Variants in SPATA31F1 observed in about 807,000 individuals in gnomAD.
SPATA31F1 encodes the protein SPATA31 subfamily F member 1, also known as protein SPATA31F1.
the SPATA31F1 span, chr9:34,724,529 C>T: frequency 4.5e-6 from 7 of 1,550,806 alleles, no homozygotes; most frequent in Non-Finnish European, 6.1e-6. Context: ...GGGAATTCCC[C>T]ATTGTATCTC....
At chr9:34,725,589 T>C in the SPATA31F1 span, 1 of 1,474,836 alleles carries the variant, frequency 6.8e-7, no homozygotes, top group Non-Finnish European at 9.2e-7. Flanking sequence ...TCATGCTGCA[T>C]GAGGCACTGG....
At chr9:34,726,794 A>G in the SPATA31F1 span, 3 of 1,551,456 alleles carry the variant, frequency 1.9e-6, no homozygotes, top group South Asian at 3.6e-5. Flanking sequence ...ACTCTGATCT[A>G]AAGACATACT....
At chr9:34,726,862 G>A in the SPATA31F1 span, 1 of 1,551,772 alleles carries the variant, frequency 6.4e-7, no homozygotes, top group Admixed American at 2.0e-5. Flanking sequence ...ATAAAGTCAG[G>A]GAGATCTGGT....
At chr9:34,726,949 G>A in the SPATA31F1 span, 1 of 1,551,272 alleles carries the variant, frequency 6.4e-7, no homozygotes, top group African/African-American at 1.4e-5. Context: ...CTGCACACAG[G>A]ATTCGCCGCA....
At chr9:34,729,354 A>G in the SPATA31F1 span, 1 of 1,551,864 alleles carries the variant, frequency 6.4e-7, no homozygotes, top group Non-Finnish European at 8.7e-7. Flanking sequence ...GATAATTACA[A>G]TAACGATGAA....
At chr9:34,728,245 T>C in the SPATA31F1 span, among the ~76,000 whole-genome samples, 1 of 152,218 alleles carries the variant, frequency 6.6e-6, no homozygotes, top group Non-Finnish European at 1.5e-5. Context: ...TAACACAATG[T>C]CCCATATCTA....
At chr9:34,723,197 G>A in the SPATA31F1 span, 7,168 of 1,538,652 alleles carry the variant, frequency 4.7e-3, 47 homozygotes, top group African/African-American at 0.028. Flanking sequence ...CTCCTTGAGC[G>A]GACCAATGTT....
chr9:34,724,572 T>C, the SPATA31F1 span: 1 of 1,542,180 alleles, frequency 6.5e-7, no homozygotes, highest in African/African-American at 1.4e-5. Flanking sequence ...AAGTTTAGTT[T>C]GGTCAAGATA....
At chr9:34,723,315 C>T in the SPATA31F1 span, 14 of 1,551,550 alleles carry the variant, frequency 9.0e-6, no homozygotes, top group Non-Finnish European at 1.2e-5. Flanking sequence ...AGGGCTGAGG[C>T]AGAGCCAGGT....
the SPATA31F1 span, chr9:34,727,124 G>T: frequency 1.4e-6 from 2 of 1,415,024 alleles, no homozygotes; most frequent in Middle Eastern, 1.9e-4. Context: ...CTACCTGTCT[G>T]CTTTCCTTGC....
the SPATA31F1 span, chr9:34,724,514 C>A: frequency 6.4e-7 from 1 of 1,551,476 alleles, no homozygotes; most frequent in African/African-American, 1.4e-5. Context: ...CTTCCTTGCC[C>A]TAATGGGAAT....
At chr9:34,726,814 CA>C in the SPATA31F1 span, 12 of 1,551,812 alleles carry the variant, frequency 7.7e-6, no homozygotes, top group Non-Finnish European at 1.0e-5. Flanking sequence ...TAGACGTAGA[CA>C]GCATCTCTAG....
chr9:34,723,808 C>A, the SPATA31F1 span: 3 of 1,551,730 alleles, frequency 1.9e-6, no homozygotes, highest in African/African-American at 4.1e-5. Flanking sequence ...TGACAGTTAG[C>A]TTGGTTTGAC....
the SPATA31F1 span, chr9:34,726,907 A>G: frequency 6.4e-7 from 1 of 1,551,768 alleles, no homozygotes; most frequent in Non-Finnish European, 8.7e-7. Flanking sequence ...GAATCTCCAG[A>G]GCCACAGAAT....
At chr9:34,724,770 G>A in the SPATA31F1 span, 1 of 1,551,734 alleles carries the variant, frequency 6.4e-7, no homozygotes, top group Non-Finnish European at 8.7e-7. Flanking sequence ...TGAATCAGAG[G>A]CTCTGCTGGG....
chr9:34,724,245 T>C, the SPATA31F1 span: 7 of 1,551,420 alleles, frequency 4.5e-6, no homozygotes, highest in African/African-American at 1.4e-5. Context: ...ATGTCCCCAC[T>C]GGGCTGTGAG....
At chr9:34,726,913 A>G in the SPATA31F1 span, 4 of 1,551,670 alleles carry the variant, frequency 2.6e-6, no homozygotes, top group Admixed American at 7.8e-5. Flanking sequence ...CCAGAGCCAC[A>G]GAATTGCAGA....
the SPATA31F1 span, among the ~76,000 whole-genome samples, chr9:34,727,586 A>G: frequency 1.3e-5 from 2 of 152,208 alleles, no homozygotes; most frequent in African/African-American, 2.4e-5. Flanking sequence ...ACAGAACCGG[A>G]GGAGGTCATG....
chr9:34,726,163 G>T, the SPATA31F1 span: 4 of 1,258,800 alleles, frequency 3.2e-6, 1 homozygote, highest in Admixed American at 2.3e-5. Flanking sequence ...ATGAACACCA[G>T]GTCTGGAGGG....
Sources: gnomAD v4.1 joint callset for allele counts (sites outside exome capture counted in the v4.1 genomes callset) on GRCh38, gnomAD v4.1.1 for gene constraint, MANE v1.5 for transcripts, NCBI Gene and HGNC (gene_info 2026-07-23, HGNC 2026-07-21) for gene names.